Variants in CDC42EP2 observed in about 807,000 individuals in gnomAD.
CDC42EP2 encodes the protein CDC42 effector protein 2, also known as CDC42 effector protein (Rho GTPase binding) 2.
CDC42EP2 carries 5 observed loss-of-function variants against 7.3 expected under a neutral mutation model. The ratio of observed to expected loss-of-function variants is 0.68; its 90% CI spans 0.36 to 1.44. CDC42EP2 has a LOEUF of 1.44. Ranked by LOEUF, CDC42EP2 falls within the 40% of genes most tolerant of loss-of-function variation. The probability of loss-of-function intolerance (pLI) is 0.04; values close to 1 mark genes in which losing one functional copy is unlikely to be tolerated. For synonymous variants in CDC42EP2, 113 were observed against 123.6 expected (o/e 0.91, Z 0.57); for missense variants, 251 against 282.6 (o/e 0.89, Z 0.80).
intron 1 of CDC42EP2, chr11:65,317,150 C>T (rs1590920683): frequency 6.6e-6 from 1 of 152,260 alleles, no homozygotes; most frequent in Non-Finnish European, 1.5e-5. Context: ...TGCGTCCCCA[C>T]CCTTCCCCCA....
intron 1 of CDC42EP2, chr11:65,317,075 C>T (rs537576458): frequency 6.6e-6 from 1 of 152,448 alleles, no homozygotes; most frequent in South Asian, 2.1e-4. Flanking sequence ...CAGCATGGCC[C>T]CCAGGCCTGG....
In CDC42EP2 at chr11:65,321,127, G is replaced by A; in HGVS notation, c.229G>A (p.Gly77Ser). Reference sequence around the variant, plus strand: ...CATGGTGGAGGGGCCTGAAGAAGATGGCACCTTCGACCTCCCCTTCCAGTT... The same window carrying A: ...CATGGTGGAGGGGCCTGAAGAAGATAGCACCTTCGACCTCCCCTTCCAGTT... Reference protein sequence around the residue: ...GTMVEGPEEDGTFDLPFQFTR... With the variant: ...GTMVEGPEEDSTFDLPFQFTR... Residue 77 changes from glycine (G) to serine (S), a missense_variant, in exon 2 of 2, where the codon GGC (glycine) becomes AGC (serine). Coordinates refer to ENST00000279249, the MANE Select transcript of CDC42EP2 (RefSeq NM_006779.4). This position sits in a 1 kb window ranked among gnomAD's most constrained non-coding sequence, Gnocchi z 4.4. The A allele has an allele frequency of 6.2e-7, 1 of 1,614,148 alleles. No homozygotes were observed. The highest frequency in any genetic ancestry group is 8.5e-7 in the Non-Finnish European group (1 of 1,180,004).
Position 65,321,363 on chromosome 11 carries a change from GAC to G in CDC42EP2, c.466_467del (p.Thr156TrpfsTer38), listed in dbSNP as rs1257911881. On this transcript the variant is annotated frameshift_variant, in exon 2 of 2. Coordinates refer to ENST00000279249, the MANE Select transcript of CDC42EP2 (RefSeq NM_006779.4). LOFTEE classifies it high-confidence loss of function. The surrounding 1 kb of genome is among the most constrained non-coding windows in gnomAD (Gnocchi z 4.4). ...GTGTGGACATCTGGAGGATTCCAGAGACTGGCTCCCCCAACAGTGGACTGACC... is the reference window on the plus strand; with the variant it reads ...GTGTGGACATCTGGAGGATTCCAGAGTGGCTCCCCCAACAGTGGACTGACC... ...GSVDIWRIPE[T>X]GSPNSGLTPE... is the part of the protein sequence containing the mutation. The G allele has an allele frequency of 6.2e-7, 1 of 1,613,926 alleles. No homozygotes were observed. Among genetic ancestry groups the G allele is most frequent in the Non-Finnish European group, 8.5e-7 (1 of 1,180,024 alleles).
chr11:65,321,420 G>T lies in CDC42EP2; in HGVS notation c.522G>T (p.Leu174=), dbSNP rs1287865914. 1.2e-6 allele frequency: 2 copies of T among 1,613,702 alleles called. No individual in the cohort carries two copies. The highest frequency in any genetic ancestry group is 1.1e-5 in the South Asian group (1 of 91,086). Residue 174 remains leucine (L), a synonymous_variant, in exon 2 of 2, where the codon CTG becomes CTT. Transcript: ENST00000279249. The surrounding 1 kb of genome is among the most constrained non-coding windows in gnomAD (Gnocchi z 4.4). ...TPESGAEEPF[L]SNASSLLSLH... is the part of the protein sequence containing the mutation. Reference sequence around the variant, plus strand: ...AGTCAGGGGCCGAGGAGCCCTTCCTGTCCAATGCCAGCTCCCTGCTGTCCC... The same window carrying T: ...AGTCAGGGGCCGAGGAGCCCTTCCTTTCCAATGCCAGCTCCCTGCTGTCCC...
At chr11:65,317,512 G>T (rs1055705604) in intron 1 of CDC42EP2, among the ~76,000 whole-genome samples, 1 of 152,080 alleles carries the variant, frequency 6.6e-6, no homozygotes, top group Non-Finnish European at 1.5e-5. Context: ...GGTACAGGAG[G>T]GTGGGCTCAT....
chr11:65,321,177 G>C lies in CDC42EP2; in HGVS notation c.279G>C (p.Gly93=), dbSNP rs4149836. Residue 93 remains glycine (G), a synonymous_variant, in exon 2 of 2, where the codon GGG becomes GGC. Coordinates refer to ENST00000279249, the MANE Select transcript of CDC42EP2 (RefSeq NM_006779.4). This position sits in a 1 kb window ranked among gnomAD's most constrained non-coding sequence, Gnocchi z 4.4. ...FQFTRTATVC[G]RELPDGPSPL... ...TCACCCGCACCGCCACCGTGTGTGG[G>C]CGGGAGCTCCCGGACGGCCCATCCC... The C allele has an allele frequency of 1.6e-3, 2,652 of 1,614,066 alleles. 35 individuals are homozygous for C. In the African/African-American group the frequency reaches 0.032, roughly 19 times the overall value.
chr11:65,321,135 C>T lies in CDC42EP2; in HGVS notation c.237C>T (p.Phe79=), dbSNP rs759941494. Residue 79 remains phenylalanine (F), a synonymous_variant, in exon 2 of 2, where the codon TTC becomes TTT. Coordinates refer to ENST00000279249, the MANE Select transcript of CDC42EP2 (RefSeq NM_006779.4). The surrounding 1 kb of genome is among the most constrained non-coding windows in gnomAD (Gnocchi z 4.4). ...MVEGPEEDGT[F]DLPFQFTRTA... ...AGGGGCCTGAAGAAGATGGCACCTTCGACCTCCCCTTCCAGTTCACCCGCA... is the reference window on the plus strand; with the variant it reads ...AGGGGCCTGAAGAAGATGGCACCTTTGACCTCCCCTTCCAGTTCACCCGCA... 51 of 1,614,140 alleles carry T rather than the reference C, an allele frequency of 3.2e-5. No individual in the cohort carries two copies. Among genetic ancestry groups the T allele is most frequent in the Non-Finnish European group, 4.1e-5 (48 of 1,180,002 alleles).
Position 65,321,062 on chromosome 11 carries a change from TCTC to T in CDC42EP2, c.167_169del (p.Ser56del). ...GGCGGCAGTGACATGTTTGGCGACATCTCCTTCCTGCAGGGCAAGTTCCACCTC... is the reference window on the plus strand; with the variant it reads ...GGCGGCAGTGACATGTTTGGCGACATCTTCCTGCAGGGCAAGTTCCACCTC... On this transcript the variant is annotated inframe_deletion, in exon 2 of 2. Transcript: ENST00000279249. The surrounding 1 kb of genome is among the most constrained non-coding windows in gnomAD (Gnocchi z 4.4). 6.2e-7 allele frequency: 1 copy of T among 1,614,020 alleles called. No individual in the cohort carries two copies. Among genetic ancestry groups the T allele is most frequent in the Non-Finnish European group, 8.5e-7 (1 of 1,179,998 alleles).
chr11:65,321,435 C>T lies in CDC42EP2; in HGVS notation c.537C>T (p.Ser179=), dbSNP rs1216805866. 3.1e-6 allele frequency: 5 copies of T among 1,613,794 alleles called. No homozygotes were observed. The South Asian group carries it at 3.3e-5, about 11-fold the overall frequency. The change falls in exon 2 of 2, where the codon TCC becomes TCT. Residue 179 remains serine, a synonymous_variant. Transcript: ENST00000279249. This position sits in a 1 kb window ranked among gnomAD's most constrained non-coding sequence, Gnocchi z 4.4. The part of the protein sequence containing the change: ...AEEPFLSNAS[S]LLSLHVDLGP... ...AGCCCTTCCTGTCCAATGCCAGCTC[C>T]CTGCTGTCCCTGCACGTGGACCTGG...
rs550752522 is a variant in CDC42EP2 at position 65,318,606 on chromosome 11, G to T, written c.-355-1938G>T. Among the ~76,000 whole-genome samples, 236 of 152,026 alleles carry T rather than the reference G, an allele frequency of 1.6e-3. 2 individuals are homozygous for T. The Middle Eastern group carries it at 0.034, about 22-fold the overall frequency. On this transcript the variant is annotated intron_variant, in intron 1 of 1. Transcript: ENST00000279249. ...GCCCGGCTAATTTTTTGTATTTTTAGTAGAGACGGGGTTTCACCGTGTTAG... is the reference window on the plus strand; with the variant it reads ...GCCCGGCTAATTTTTTGTATTTTTATTAGAGACGGGGTTTCACCGTGTTAG...
chr11:65,319,484 G>T (rs1949963682), intron 1 of CDC42EP2, among the ~76,000 whole-genome samples: 1 of 152,136 alleles, frequency 6.6e-6, no homozygotes, highest in African/African-American at 2.4e-5. Context: ...TTGATTAATT[G>T]AGATGTGTCT....
chr11:65,318,492 C>A (rs1217687584), intron 1 of CDC42EP2, among the ~76,000 whole-genome samples: 1 of 148,350 alleles, frequency 6.7e-6, no homozygotes, highest in Non-Finnish European at 1.5e-5. Context: ...GGTGCGATCT[C>A]AGCTCACTGC....
In CDC42EP2 at chr11:65,317,045, G is replaced by T. The variant is rs528495679; in HGVS notation, c.-356+2091G>T. The T allele has an allele frequency of 2.0e-5, 3 of 152,400 alleles. No homozygotes were observed. The East Asian group carries it at 5.8e-4, about 29-fold the overall frequency. 9.4% of individuals were successfully genotyped at this position (152,400 alleles called of 1,614,324 possible). On this transcript the variant is annotated intron_variant, in intron 1 of 1. Transcript: ENST00000279249. ...CCCCCCAGGACTTCTCTCCTGACGA[G>T]CGACAAATTGCATGTTTGTCAGCAT...
chr11:65,316,688 T>G (rs1039074813), intron 1 of CDC42EP2, among the ~76,000 whole-genome samples: 1 of 152,098 alleles, frequency 6.6e-6, no homozygotes, highest in Non-Finnish European at 1.5e-5. Flanking sequence ...ACTGGGAGCT[T>G]TAAGATGAGA....
At chr11:65,319,477 A>C (rs1020015096) in intron 1 of CDC42EP2, among the ~76,000 whole-genome samples, 4 of 152,124 alleles carry the variant, frequency 2.6e-5, no homozygotes, top group Non-Finnish European at 4.4e-5. Flanking sequence ...GGTTGTGTTG[A>C]TTAATTGAGA....
In CDC42EP2 at chr11:65,321,676, C is replaced by T. The variant is rs1269632160; in HGVS notation, c.*145C>T. The T allele has an allele frequency of 4.2e-6, 3 of 714,748 alleles. No individual in the cohort carries two copies. The highest frequency in any genetic ancestry group is 3.6e-5 in the African/African-American group (2 of 55,732). The allele number at this position is 714,748 out of a possible 1,614,324, so 44.3% of individuals were successfully genotyped here. A position where few individuals can be genotyped will look rare whatever the true frequency, so the allele number is the denominator to read the frequency against. ...GATTCTCCTTCTGAGCCGTGTTTCC[C>T]CTCTCCCTCCCTCTCCACGTGGGCA... On this transcript the variant is annotated 3_prime_UTR_variant, in exon 2 of 2. Coordinates refer to ENST00000279249, the MANE Select transcript of CDC42EP2 (RefSeq NM_006779.4). This position sits in a 1 kb window ranked among gnomAD's most constrained non-coding sequence, Gnocchi z 4.4.
chr11:65,321,233 T>G lies in CDC42EP2; in HGVS notation c.335T>G (p.Val112Gly), dbSNP rs1565511936. 6.2e-7 allele frequency: 1 copy of G among 1,613,866 alleles called. No homozygotes were observed. Among genetic ancestry groups the G allele is most frequent in the Admixed American group, 1.7e-5 (1 of 60,016 alleles). ...CTCAAGAACGCCATCTCCCTCCCGG[T>G]TATCGGTGGACCCCAGGCTCTCACC... ...PLLKNAISLP[V>G]IGGPQALTLP... The change falls in exon 2 of 2, where the codon GTT (valine) becomes GGT (glycine). Residue 112 changes from valine (V) to glycine (G), a missense_variant. Physicochemically the swap from Val to Gly is moderately radical, Grantham distance 109. Coordinates refer to ENST00000279249, the MANE Select transcript of CDC42EP2 (RefSeq NM_006779.4). The surrounding 1 kb of genome is among the most constrained non-coding windows in gnomAD (Gnocchi z 4.4).
Position 65,321,166 on chromosome 11 carries a change from AC to A in CDC42EP2, c.270del (p.Val91CysfsTer73). ...CCCCTTCCAGTTCACCCGCACCGCCACCGTGTGTGGGCGGGAGCTCCCGGAC... is the reference window on the plus strand; with the variant it reads ...CCCCTTCCAGTTCACCCGCACCGCCACGTGTGTGGGCGGGAGCTCCCGGAC... ...DLPFQFTRTA[T>X]VCGRELPDGP... is the part of the protein sequence containing the mutation. On this transcript the variant is annotated frameshift_variant, in exon 2 of 2. Transcript: ENST00000279249. LOFTEE classifies it high-confidence loss of function. The surrounding 1 kb of genome is among the most constrained non-coding windows in gnomAD (Gnocchi z 4.4). The A allele has an allele frequency of 6.2e-7, 1 of 1,613,962 alleles. No individual in the cohort carries two copies. Among genetic ancestry groups the A allele is most frequent in the Non-Finnish European group, 8.5e-7 (1 of 1,179,948 alleles).
At chr11:65,318,422 T>A (rs1458694612) in intron 1 of CDC42EP2, among the ~76,000 whole-genome samples, 1 of 109,038 alleles carries the variant, frequency 9.2e-6, no homozygotes, top group African/African-American at 4.7e-5. Context: ...ACCTGGCAAA[T>A]TTTTTTTTTT....
Sources: gnomAD v4.1 joint callset for allele counts (sites outside exome capture counted in the v4.1 genomes callset) on GRCh38, gnomAD v4.1.1 for gene constraint, Gnocchi (gnomAD v3.1) non-coding constraint, MANE v1.5 for transcripts, NCBI Gene and HGNC (gene_info 2026-07-23, HGNC 2026-07-21) for gene names.